Variants in ZFYVE9 observed in about 807,000 individuals in gnomAD.
ZFYVE9 encodes zinc finger FYVE domain-containing protein 9.
A neutral mutation model predicts 126.7 loss-of-function variants in ZFYVE9; 43 were observed. The ratio of observed to expected loss-of-function variants is 0.34; its 90% confidence interval spans 0.27 to 0.44. ZFYVE9 has a LOEUF of 0.44. ZFYVE9 is among the 20% of genes least tolerant of loss of function. The pLI is 1.00. For missense variants in ZFYVE9, 1,476 were observed against 1,697.0 expected, an observed-to-expected ratio of 0.87 and a Z score of 2.29; for synonymous variants, 521 against 597.4, an observed-to-expected ratio of 0.87 and a Z score of 1.87.
At chr1:52,282,680 A>G (rs1242715578) in intron 10 of ZFYVE9, among the ~76,000 whole-genome samples, 10 of 152,242 alleles carry the variant, frequency 6.6e-5, no homozygotes, top group African/African-American at 2.4e-5. Context: ...GACAGTATCC[A>G]GAATATAAAA....
intron 1 of ZFYVE9, among the ~76,000 whole-genome samples, chr1:52,208,014 A>G (rs1644993457): frequency 6.6e-6 from 1 of 152,230 alleles, no homozygotes. Flanking sequence ...TCAAAGTAGC[A>G]ACAGCTATTA....
chr1:52,314,976 A>G (rs1358524838), intron 13 of ZFYVE9, among the ~76,000 whole-genome samples: 1 of 152,126 alleles, frequency 6.6e-6, no homozygotes, highest in Non-Finnish European at 1.5e-5. Flanking sequence ...GATACATATA[A>G]TTTATCACCA....
At chr1:52,170,393 C>T (rs1208367788) in intron 1 of ZFYVE9, among the ~76,000 whole-genome samples, 1 of 151,904 alleles carries the variant, frequency 6.6e-6, no homozygotes, top group Non-Finnish European at 1.5e-5. Context: ...TTTTATTTAT[C>T]TTTTCAAAGA....
intron 10 of ZFYVE9, among the ~76,000 whole-genome samples, chr1:52,282,116 T>C (rs1477882930): frequency 2.0e-5 from 3 of 152,200 alleles, no homozygotes; most frequent in African/African-American, 7.2e-5. Flanking sequence ...GAAGGAAGCA[T>C]ATTTGTAACT....
intron 4 of ZFYVE9, among the ~76,000 whole-genome samples, chr1:52,261,769 G>A (rs1645582236): frequency 6.6e-6 from 1 of 152,196 alleles, no homozygotes; most frequent in Non-Finnish European, 1.5e-5. Context: ...AACAGAGGCA[G>A]CAATGTTAGA....
intron 4 of ZFYVE9, among the ~76,000 whole-genome samples, chr1:52,250,714 C>CTT (rs34689725): frequency 7.0e-6 from 1 of 143,662 alleles, no homozygotes; most frequent in Non-Finnish European, 1.5e-5. Flanking sequence ...TTCTTTCAGT[C>CTT]TTTTTTTTTT....
intron 8 of ZFYVE9, 134 bp from the exon 9 acceptor site, chr1:52,278,358 C>T: frequency 8.6e-7 from 1 of 1,160,430 alleles, no homozygotes; most frequent in South Asian, 1.4e-5. Context: ...AGATACAAAC[C>T]ATGCTCTGTA....
At chr1:52,332,630 TTTCA>T in intron 13 of ZFYVE9, 134 bp from the exon 14 acceptor site, 1 of 1,006,606 alleles carries the variant, frequency 9.9e-7, no homozygotes. Flanking sequence ...TTTTACTTTG[TTTCA>T]TTATTTGGTG....
In ZFYVE9 at chr1:52,181,094, CCTT is replaced by C. The variant is rs985887323; in HGVS notation, c.-142-35272_-142-35270del. Among the ~76,000 whole-genome samples the C allele has an allele frequency of 5.9e-5, 9 of 151,994 alleles. No individual in the cohort carries two copies. The South Asian group carries it at 6.2e-4, about 10-fold the overall frequency. ...TCCCTCACTTTCTCCCTCACGGTCT[CCTT>C]CTCCCTCTCTTTCCACGGTCTCCCT... On this transcript the variant is annotated intron_variant, in intron 1 of 18. Coordinates refer to ENST00000287727, the MANE Select transcript of ZFYVE9 (RefSeq NM_004799.4).
intron 13 of ZFYVE9, among the ~76,000 whole-genome samples, chr1:52,323,892 A>G (rs887422034): frequency 9.4e-6 from 1 of 106,774 alleles, no homozygotes; most frequent in Non-Finnish European, 2.0e-5. Flanking sequence ...TCTCTACTAA[A>G]TACAAAAAAA....
At chr1:52,319,970 G>C (rs1260187015) in intron 13 of ZFYVE9, among the ~76,000 whole-genome samples, 1 of 148,288 alleles carries the variant, frequency 6.7e-6, no homozygotes, top group Non-Finnish European at 1.5e-5. Context: ...CTGAGATTGC[G>C]CCATTGCACT....
intron 1 of ZFYVE9, among the ~76,000 whole-genome samples, chr1:52,158,976 TAG>T (rs1644429321): frequency 6.6e-6 from 1 of 152,106 alleles, no homozygotes; most frequent in South Asian, 2.1e-4. Context: ...GTATTTTTAG[TAG>T]AGACGGGGTT....
chr1:52,216,892 G>A (rs186701377), intron 2 of ZFYVE9, among the ~76,000 whole-genome samples: 17 of 152,178 alleles, frequency 1.1e-4, no homozygotes, highest in South Asian at 4.1e-4. Flanking sequence ...ATTATGTAGA[G>A]CAATAATTTC....
chr1:52,342,326 C>T (rs1448470264), intron 17 of ZFYVE9, among the ~76,000 whole-genome samples: 1 of 140,472 alleles, frequency 7.1e-6, no homozygotes, highest in Non-Finnish European at 1.5e-5. Context: ...AGTGCAGTGG[C>T]GCAATCTCGG....
intron 1 of ZFYVE9, among the ~76,000 whole-genome samples, chr1:52,168,214 C>CTTTTTTTT (rs139943554): frequency 4.3e-5 from 5 of 114,986 alleles, no homozygotes; most frequent in Non-Finnish European, 7.0e-5. Flanking sequence ...TCTTCGTCTT[C>CTTTTTTTT]TTTTTTTTTT....
chr1:52,266,543 C>A, intron 5 of ZFYVE9, 112 bp from the exon 6 acceptor site: 1 of 856,166 alleles, frequency 1.2e-6, no homozygotes, highest in Non-Finnish European at 1.7e-6. Context: ...GGAAGAGAGA[C>A]ATACTATGAG....
At chr1:52,202,533 A>G (rs897246366) in intron 1 of ZFYVE9, among the ~76,000 whole-genome samples, 2 of 151,714 alleles carry the variant, frequency 1.3e-5, no homozygotes, top group Non-Finnish European at 2.9e-5. Context: ...CACCTGCCTC[A>G]GCCTCCCAAA....
intron 13 of ZFYVE9, among the ~76,000 whole-genome samples, chr1:52,314,941 GC>G (rs1248505470): frequency 2.0e-5 from 3 of 152,114 alleles, no homozygotes; most frequent in African/African-American, 7.2e-5. Flanking sequence ...CTGAGATCGT[GC>G]CACTGAGGCA....
At chr1:52,288,925 CAAAAAAAA>C (rs775138803) in intron 10 of ZFYVE9, among the ~76,000 whole-genome samples, 3 of 62,038 alleles carry the variant, frequency 4.8e-5, no homozygotes, top group African/African-American at 1.6e-4. Flanking sequence ...GACTCTGTCT[CAAAAAAAA>C]AAAAAAAAAA....
Sources: gnomAD v4.1 joint callset for allele counts (sites outside exome capture counted in the v4.1 genomes callset) on GRCh38, gnomAD v4.1.1 for gene constraint, MANE v1.5 for transcripts, NCBI Gene and HGNC (gene_info 2026-07-23, HGNC 2026-07-21) for gene names.